Variants in RBFOX1 observed in about 807,000 individuals in gnomAD.
RBFOX1 encodes RNA binding fox-1 homolog 1.
RBFOX1 carries 8 observed loss-of-function variants against 57.7 expected under a neutral mutation model. The ratio of observed to expected loss-of-function variants is 0.14; its 90% confidence interval spans 0.08 to 0.25. RBFOX1 has a LOEUF of 0.25. RBFOX1 is among the 10% of genes least tolerant of loss of function. The pLI is 1.00. For missense variants in RBFOX1, 611 were observed against 548.5 expected (o/e 1.11, Z -1.14); for synonymous variants, 326 against 222.4 (o/e 1.47, Z -4.15).
chr16:5,763,796 G>A (rs1490174110), intron 3 of RBFOX1, among the ~76,000 whole-genome samples: 1 of 152,188 alleles, frequency 6.6e-6, no homozygotes, highest in African/African-American at 2.4e-5. Flanking sequence ...TCTCATTGAA[G>A]CCTTTGCTCA....
Position 5,463,254 on chromosome 16 carries a change from C to G in RBFOX1, c.220-3962C>G, listed in dbSNP as rs148102519. ...CGGATTTTGTTTTTTATAAATCCAACTGACACCTTACTTTTCTGGGATCAC... is the reference window on the plus strand; with the variant it reads ...CGGATTTTGTTTTTTATAAATCCAAGTGACACCTTACTTTTCTGGGATCAC... On this transcript the variant is annotated intron_variant, in intron 1 of 2. Transcript: ENST00000585867. 2.4e-3 allele frequency among the ~76,000 whole-genome samples: 364 copies of G among 152,148 alleles called. 3 individuals are homozygous for G. Among genetic ancestry groups the G allele is most frequent in the African/African-American group, 8.4e-3 (348 of 41,502 alleles).
intron 3 of RBFOX1, among the ~76,000 whole-genome samples, chr16:6,804,256 C>A (rs1476036989): frequency 6.6e-6 from 1 of 151,848 alleles, no homozygotes; most frequent in Non-Finnish European, 1.5e-5. Context: ...GATCCGCCCA[C>A]CTCAGCCTCC....
At chr16:6,883,992 G>A (rs1382940783) in intron 3 of RBFOX1, among the ~76,000 whole-genome samples, 1 of 152,112 alleles carries the variant, frequency 6.6e-6, no homozygotes, top group East Asian at 1.9e-4. Flanking sequence ...TGTGAAAACT[G>A]GGGAGTCACA....
At chr16:7,383,334 G>T in intron 4 of RBFOX1, among the ~76,000 whole-genome samples, 1 of 151,362 alleles carries the variant, frequency 6.6e-6, no homozygotes, top group East Asian at 1.9e-4. Context: ...TTCTCTGCTT[G>T]GACAAAATTA....
At chr16:7,188,187 C>T (rs564044035) in intron 4 of RBFOX1, among the ~76,000 whole-genome samples, 2 of 152,248 alleles carry the variant, frequency 1.3e-5, no homozygotes, top group South Asian at 2.1e-4. Context: ...GGTATAAATA[C>T]GATGGAATGA....
chr16:6,831,096 G>C (rs977729398), intron 3 of RBFOX1, among the ~76,000 whole-genome samples: 2 of 152,214 alleles, frequency 1.3e-5, no homozygotes, highest in Non-Finnish European at 2.9e-5. Flanking sequence ...AAGCTGGATA[G>C]ATTCATACTA....
chr16:5,544,825 C>T lies in RBFOX1; in HGVS notation c.259-54077C>T, dbSNP rs1319078592. 2.6e-5 allele frequency among the ~76,000 whole-genome samples: 4 copies of T among 152,216 alleles called. No homozygotes were observed. In the East Asian group the frequency reaches 7.7e-4, roughly 29 times the overall value. ...AGATAAATTCCTTGGAAGATATAAA[C>T]TGCTAAAGCTAATTTAAGAACTAGG... On this transcript the variant is annotated intron_variant, in intron 2 of 2. Transcript: ENST00000585867.
intron 3 of RBFOX1, among the ~76,000 whole-genome samples, chr16:7,038,005 C>G (rs888495475): frequency 1.3e-5 from 2 of 152,194 alleles, no homozygotes; most frequent in African/African-American, 4.8e-5. Context: ...GTTAAAACAT[C>G]TTAACTTGAA....
At chr16:5,258,703 G>C (rs577654405) in intron 1 of RBFOX1, among the ~76,000 whole-genome samples, 2 of 152,094 alleles carry the variant, frequency 1.3e-5, no homozygotes, top group Non-Finnish European at 2.9e-5. Flanking sequence ...GGATCACGAG[G>C]TCAAGAGTTC....
intron 3 of RBFOX1, among the ~76,000 whole-genome samples, chr16:6,959,618 C>G (rs1262125291): frequency 6.6e-6 from 1 of 152,144 alleles, no homozygotes; most frequent in Non-Finnish European, 1.5e-5. Flanking sequence ...ACTGTTCCAG[C>G]ACTGACTGAG....
At chr16:6,868,630 C>T (rs1238193714) in intron 3 of RBFOX1, among the ~76,000 whole-genome samples, 2 of 152,050 alleles carry the variant, frequency 1.3e-5, no homozygotes, top group East Asian at 3.9e-4. Context: ...CACCACCACG[C>T]CCAGCTAATT....
intron 3 of RBFOX1, among the ~76,000 whole-genome samples, chr16:5,626,832 G>A (rs922780948): frequency 4.0e-5 from 6 of 151,144 alleles, no homozygotes; most frequent in African/African-American, 1.5e-4. Context: ...GCACATTTGA[G>A]CAATCGTTTT....
At chr16:6,933,142 C>T (rs985155117) in intron 3 of RBFOX1, among the ~76,000 whole-genome samples, 7 of 152,196 alleles carry the variant, frequency 4.6e-5, no homozygotes, top group Non-Finnish European at 8.8e-5. Context: ...TCCCTCCATT[C>T]ATCTGTAGAC....
chr16:7,659,048 C>A (rs761903917), intron 12 of RBFOX1, among the ~76,000 whole-genome samples: 1 of 152,164 alleles, frequency 6.6e-6, no homozygotes, highest in Non-Finnish European at 1.5e-5. Context: ...TTATTCTAAG[C>A]CTAAGCATCT....
At chr16:5,498,190 T>A (rs2043067111) in intron 2 of RBFOX1, among the ~76,000 whole-genome samples, 2 of 152,210 alleles carry the variant, frequency 1.3e-5, no homozygotes, top group African/African-American at 4.8e-5. Context: ...TTGCCCAGGC[T>A]GGAGTGCAAT....
chr16:5,675,296 G>GC (rs1438863291), intron 3 of RBFOX1, among the ~76,000 whole-genome samples: 2 of 152,174 alleles, frequency 1.3e-5, no homozygotes, highest in Non-Finnish European at 2.9e-5. Flanking sequence ...GTAAGGAACA[G>GC]AAGAAGGGAT....
At chr16:6,658,298 G>A (rs2098675320) in intron 3 of RBFOX1, among the ~76,000 whole-genome samples, 1 of 151,024 alleles carries the variant, frequency 6.6e-6, no homozygotes, top group Non-Finnish European at 1.5e-5. Flanking sequence ...GCAGTGGTGT[G>A]ATCGTGATCT....
intron 2 of RBFOX1, among the ~76,000 whole-genome samples, chr16:6,626,005 A>G (rs936336062): frequency 5.9e-5 from 9 of 152,168 alleles, no homozygotes; most frequent in African/African-American, 1.4e-4. Context: ...TTTATGTGCA[A>G]TCAAATTATA....
rs763640675 is a variant in RBFOX1, at chr16:7,710,786, A to G, written c.*41A>G. ...AAACCTTCCAATGTGGGGAGAAAGG[A>G]AGCTTTCCGAGGCCTGAGTATTGCA... On this transcript the variant is annotated 3_prime_UTR_variant, in exon 16 of 16. Transcript: ENST00000550418. 1 of 1,485,844 alleles carries G rather than the reference A, an allele frequency of 6.7e-7. No homozygotes were observed. The highest frequency in any genetic ancestry group is 1.4e-5 in the South Asian group (1 of 72,550). The allele number at this position is 1,485,844 out of a possible 1,614,324, so 92.0% of individuals were successfully genotyped here.
Sources: allele counts gnomAD v4.1 joint callset (sites outside exome capture counted in the v4.1 genomes callset), GRCh38; gene constraint gnomAD v4.1.1; transcripts MANE v1.5; gene names NCBI Gene and HGNC (gene_info 2026-07-23, HGNC 2026-07-21).